TBK1: variants seen among roughly 807,000 people sequenced by gnomAD.
TBK1 encodes serine/threonine-protein kinase TBK1.
Under a neutral mutation model 99.9 loss-of-function variants are expected in TBK1, and 37 were observed. That is an observed-to-expected ratio of 0.37 (90% CI 0.28 to 0.49). The LOEUF is 0.49. Among genes scored for constraint, TBK1 ranks in the 20% least tolerant of loss-of-function variants. The probability of loss-of-function intolerance (pLI) is 0.98; values close to 1 mark genes in which losing one functional copy is unlikely to be tolerated. For synonymous variants in TBK1, 258 were observed against 279.8 expected, an observed-to-expected ratio of 0.92 and a Z score of 0.78; for missense variants, 644 against 872.5, an observed-to-expected ratio of 0.74 and a Z score of 3.30.
intron 13 of TBK1, among the ~76,000 whole-genome samples, chr12:64,493,648 A>AGT (rs1040475450): frequency 6.6e-6 from 1 of 151,970 alleles, no homozygotes; most frequent in African/African-American, 2.4e-5. Flanking sequence ...AGTAAAGAAG[A>AGT]GTGGCTCCTG....
intron 2 of TBK1, among the ~76,000 whole-genome samples, chr12:64,458,406 G>A (rs780726821): frequency 1.5e-4 from 23 of 151,534 alleles, no homozygotes; most frequent in Admixed American, 1.4e-3. Flanking sequence ...ATTGCTTTTA[G>A]TTACTAAAGT....
chr12:64,491,507 C>T (rs2040869471), intron 13 of TBK1, among the ~76,000 whole-genome samples: 1 of 152,004 alleles, frequency 6.6e-6, no homozygotes, highest in Admixed American at 6.6e-5. Flanking sequence ...CCTGTGGTCC[C>T]AGCTACTTGG....
rs1484820556 is a variant in TBK1 at position 64,484,413 on chromosome 12, A to G, written c.1103A>G (p.Gln368Arg). The change falls in exon 9 of 21, where the codon CAA becomes CGA. Residue 368 changes from glutamine to arginine, a missense_variant. Around this residue, in one of 3 missense-constraint regions of TBK1, gnomAD observed 465 missense variants for 588.0 expected, o/e 0.79. Transcript: ENST00000331710. ...GTCTTAGAACCTGGAAGGCTGGCACAACATTTCCCTAAAACTACTGAGGAA... is the reference window on the plus strand; with the variant it reads ...GTCTTAGAACCTGGAAGGCTGGCACGACATTTCCCTAAAACTACTGAGGAA... ...RLVLEPGRLA[Q>R]HFPKTTEENP... 1 of 1,614,044 alleles carries G rather than the reference A, an allele frequency of 6.2e-7. No homozygotes were observed.
chr12:64,480,129 A>G lies in TBK1; in HGVS notation c.812+7A>G. On this transcript the variant is annotated splice_region_variant and intron_variant, in intron 7 of 20. Transcript: ENST00000331710. ...TTTCTTGCAGTCTTTCTCGGTAAGT[A>G]TGGTGTACCTAATTCTCATCTTTTG... The G allele has an allele frequency of 3.7e-6, 6 of 1,603,640 alleles. No homozygotes were observed. The highest frequency in any genetic ancestry group is 1.7e-4 in the Middle Eastern group (1 of 6,018).
At chr12:64,453,021 C>T (rs1049320395) in intron 1 of TBK1, 7 of 152,166 alleles carry the variant, frequency 4.6e-5, no homozygotes, top group Admixed American at 2.0e-4. Context: ...TAGTAACTTT[C>T]GTTTTGGACG....
rs1424570155 is a variant in TBK1 at position 64,495,547 on chromosome 12, G to A, written c.1586G>A (p.Gly529Asp). The change falls in exon 14 of 21, where the codon GGT becomes GAT. Residue 529 changes from glycine to aspartate, a missense_variant. Transcript: ENST00000331710. ...LQDIDSRLSP[G>D]GSLADAWAHQ... ...GATATCGACAGCAGATTATCTCCAGGTGGATCACTGGCAGACGCATGGGCA... is the reference window on the plus strand; with the variant it reads ...GATATCGACAGCAGATTATCTCCAGATGGATCACTGGCAGACGCATGGGCA... 1 of 1,614,066 alleles carries A rather than the reference G, an allele frequency of 6.2e-7. No homozygotes were observed. Among genetic ancestry groups the A allele is most frequent in the Non-Finnish European group, 8.5e-7 (1 of 1,179,966 alleles).
At chr12:64,497,814 C>CT (rs1332276202) in intron 19 of TBK1, 60 bp downstream of exon 19, 2 of 1,458,878 alleles carry the variant, frequency 1.4e-6, no homozygotes, top group Non-Finnish European at 9.5e-7. Context: ...GCAGTTTGTG[C>CT]TTTTGCTCTT....
At chr12:64,454,038 C>T (rs1280688934) in intron 1 of TBK1, among the ~76,000 whole-genome samples, 1 of 152,110 alleles carries the variant, frequency 6.6e-6, no homozygotes, top group Non-Finnish European at 1.5e-5. Flanking sequence ...GCAGTGACAA[C>T]ATTTGTCTTC....
In TBK1 at chr12:64,474,319, A is replaced by T. The variant is rs201336522; in HGVS notation, c.630A>T (p.Thr210=). ...TTGATCTTTGGAGCATTGGGGTAAC[A>T]TTTTACCATGCAGCTACTGGATCAC... The part of the protein sequence containing the change: ...ATVDLWSIGV[T]FYHAATGSLP... Residue 210 remains threonine (T), a synonymous_variant, in exon 6 of 21, where the codon ACA becomes ACT. Coordinates refer to ENST00000331710, the MANE Select transcript of TBK1 (RefSeq NM_013254.4). 772 of 1,614,034 alleles carry T rather than the reference A, an allele frequency of 4.8e-4. 14 individuals are homozygous for T. The South Asian group carries it at 6.8e-3, about 14-fold the overall frequency.
In TBK1 at chr12:64,502,045, A is replaced by G. The variant is rs1302856569; in HGVS notation, c.*664A>G. The G allele has an allele frequency of 1.7e-5, 2 of 120,700 alleles. No individual in the cohort carries two copies. The highest frequency in any genetic ancestry group is 4.2e-5 in the Non-Finnish European group (2 of 47,248). The allele number at this position is 120,700 out of a possible 1,614,324, so 7.5% of individuals were successfully genotyped here. A position where few individuals can be genotyped will look rare whatever the true frequency, so the allele number is the denominator to read the frequency against. On this transcript the variant is annotated 3_prime_UTR_variant, in exon 21 of 21. Transcript: ENST00000331710. ...ATTCTAAGGTCATTTCAACTGTTTT[A>G]AGCTGTATATTTCTTTAATTCTGCT... is the stretch of plus-strand genomic sequence containing the variant.
At chr12:64,483,070 A>C (rs1347655127) in intron 8 of TBK1, among the ~76,000 whole-genome samples, 1 of 152,224 alleles carries the variant, frequency 6.6e-6, no homozygotes, top group East Asian at 1.9e-4. Flanking sequence ...CAGTGATGTC[A>C]ATGTTTTGTA....
At chr12:64,492,784 G>C (rs987988353) in intron 13 of TBK1, among the ~76,000 whole-genome samples, 1 of 150,908 alleles carries the variant, frequency 6.6e-6, no homozygotes, top group Non-Finnish European at 1.5e-5. Context: ...GTGCAATGGC[G>C]TAATCTCGGC....
chr12:64,499,693 CT>C (rs56725684), intron 20 of TBK1, among the ~76,000 whole-genome samples: 1,479 of 82,800 alleles, frequency 0.018, 4 homozygotes, highest in Non-Finnish European at 0.024. Flanking sequence ...TAAAGATGTG[CT>C]TTTTTTTTTT....
chr12:64,460,298 A>G lies in TBK1; in HGVS notation c.197A>G (p.Asn66Ser), dbSNP rs1164174065. 3 of 1,571,056 alleles carry G rather than the reference A, an allele frequency of 1.9e-6. No individual in the cohort carries two copies. The highest frequency in any genetic ancestry group is 1.7e-6 in the Non-Finnish European group (2 of 1,156,392). Reference protein sequence around the residue: ...FEVLKKLNHKNIVKLFAIEEE... With the variant: ...FEVLKKLNHKSIVKLFAIEEE... ...GTGTTGAAAAAACTCAATCACAAAA[A>G]TATTGTCAAATTATTTGCTATTGAA... is the stretch of plus-strand genomic sequence containing the variant. The change falls in exon 3 of 21, where the codon AAT (asparagine) becomes AGT (serine). Residue 66 changes from asparagine (N) to serine (S), a missense_variant. Transcript: ENST00000331710.
intron 6 of TBK1, among the ~76,000 whole-genome samples, chr12:64,478,372 ACTC>A (rs1332948058): frequency 3.3e-5 from 5 of 150,902 alleles, no homozygotes; most frequent in African/African-American, 1.2e-4. Flanking sequence ...CTGGTCTTGA[ACTC>A]CTGGCCTCAA....
rs752881330 is a variant in TBK1 at position 64,485,927 on chromosome 12, C to T, written c.1250C>T (p.Ala417Val). 12 of 1,562,772 alleles carry T rather than the reference C, an allele frequency of 7.7e-6. No homozygotes were observed. In the Admixed American group the frequency reaches 2.0e-4, roughly 25 times the overall value. Reference sequence around the variant, plus strand: ...ATTGACATTTTATTTCTTTATTAGGCAATAACAGGGGTTGTGTGTTATGCC... The same window carrying T: ...ATTGACATTTTATTTCTTTATTAGGTAATAACAGGGGTTGTGTGTTATGCC... Reference protein sequence around the residue: ...DLDGDASMAKAITGVVCYACR... With the variant: ...DLDGDASMAKVITGVVCYACR... Residue 417 changes from alanine (A) to valine (V), a missense_variant and splice_region_variant, in exon 11 of 21, where the codon GCA (alanine) becomes GTA (valine). Transcript: ENST00000331710.
At chr12:64,469,022 C>G (rs966445995) in intron 5 of TBK1, among the ~76,000 whole-genome samples, 8 of 152,024 alleles carry the variant, frequency 5.3e-5, no homozygotes, top group African/African-American at 1.7e-4. Flanking sequence ...GCCTCCTCTC[C>G]CCTACAACCT....
In TBK1 at chr12:64,495,483, C is replaced by T. The variant is rs144424516; in HGVS notation, c.1522C>T (p.Leu508Phe). The change falls in exon 14 of 21, where the codon CTT becomes TTT. Residue 508 changes from leucine to phenylalanine, a missense_variant and splice_region_variant. Leu to Phe is a conservative substitution (Grantham distance 22). Transcript: ENST00000331710. ...ISDIHTKLLR[L>F]SSSQGTIETS... ...GATCTGAACCTTTGGTTTTATTTAG[C>T]TTTCCAGTTCTCAGGGAACAATAGA... The T allele has an allele frequency of 3.1e-6, 5 of 1,612,610 alleles. No individual in the cohort carries two copies. The highest frequency in any genetic ancestry group is 4.2e-6 in the Non-Finnish European group (5 of 1,179,524).
intron 3 of TBK1, 26 bp downstream of exon 3, chr12:64,460,355 A>G: frequency 6.7e-7 from 1 of 1,496,058 alleles, no homozygotes; most frequent in South Asian, 1.3e-5. Context: ...TCAATCTTAT[A>G]TTTATTGTAG....
Sources: allele counts gnomAD v4.1 joint callset (sites outside exome capture counted in the v4.1 genomes callset), GRCh38; gene constraint gnomAD v4.1.1; regional missense constraint gnomAD v4.1.1; transcripts MANE v1.5; gene names NCBI Gene and HGNC (gene_info 2026-07-23, HGNC 2026-07-21).